The following SRCAP variants were observed in gnomAD, a reference collection of about 807,000 sequenced individuals.
SRCAP encodes the protein Snf2 related CREBBP activator protein, also known as chromatin remodeling protein SRCAP.
Under a neutral mutation model 263.1 loss-of-function variants are expected in SRCAP, and 46 were observed. That is an observed-to-expected ratio of 0.17 (90% CI 0.14 to 0.22). The LOEUF is 0.22. Among genes scored for constraint, SRCAP ranks in the 10% least tolerant of loss-of-function variants. The pLI, the probability that SRCAP is intolerant of heterozygous loss-of-function variation, is 1.00. For synonymous variants in SRCAP, 1,813 were observed against 1,662.1 expected, an observed-to-expected ratio of 1.09 and a Z score of -2.21; for missense variants, 3,695 against 4,181.9, an observed-to-expected ratio of 0.88 and a Z score of 3.21.
intron 18 of SRCAP, 122 bp from the exon 19 acceptor site, chr16:30,720,040 G>C (rs2052994678): frequency 9.5e-7 from 1 of 1,057,944 alleles, no homozygotes; most frequent in East Asian, 2.4e-5. Flanking sequence ...GTGAGTACAT[G>C]TGGTATTTGG....
Position 30,723,753 on chromosome 16 carries a change from C to G in SRCAP, c.4329C>G (p.Val1443=), listed in dbSNP as rs776807869. 6.2e-7 allele frequency: 1 copy of G among 1,614,068 alleles called. No individual in the cohort carries two copies. Among genetic ancestry groups the G allele is most frequent in the African/African-American group, 1.3e-5 (1 of 75,006 alleles). Residue 1443 remains valine (V), a synonymous_variant, in exon 25 of 34, where the codon GTC becomes GTG. Coordinates refer to ENST00000262518, the MANE Select transcript of SRCAP (RefSeq NM_006662.3). ...VPLSSSLPIS[V]PTTLPAPASA... The stretch of plus-strand genomic sequence containing the variant: ...TGTCATCTTCACTCCCCATCTCTGT[C>G]CCCACCACACTTCCTGCCCCAGCCT...
intron 6 of SRCAP, among the ~76,000 whole-genome samples, chr16:30,708,182 T>C (rs955542679): frequency 6.6e-6 from 1 of 152,192 alleles, no homozygotes; most frequent in Non-Finnish European, 1.5e-5. Context: ...AATGCTTTTT[T>C]CCTCATGTGT....
chr16:30,707,439 A>G, intron 5 of SRCAP, 71 bp downstream of exon 5: 1 of 1,601,064 alleles, frequency 6.2e-7, no homozygotes, highest in East Asian at 2.2e-5. Context: ...TTGGAAGGGG[A>G]CCAGACAGAA....
chr16:30,722,862 A>G (rs1596655081), intron 23 of SRCAP, 101 bp from the exon 24 acceptor site: 13 of 1,547,846 alleles, frequency 8.4e-6, no homozygotes, highest in East Asian at 4.5e-5. Context: ...GCGAATATCT[A>G]TGATACCTGT....
In SRCAP at chr16:30,720,958, A is replaced by G. The variant is rs1345649421; in HGVS notation, c.3233A>G (p.Asn1078Ser). The G allele has an allele frequency of 5.0e-6, 8 of 1,609,270 alleles. No individual in the cohort carries two copies. The highest frequency in any genetic ancestry group is 6.8e-6 in the Non-Finnish European group (8 of 1,177,562). Residue 1078 changes from asparagine (N) to serine (S), a missense_variant, in exon 20 of 34, where the codon AAC (asparagine) becomes AGC (serine). Physicochemically the swap from Asn to Ser is conservative, Grantham distance 46. Coordinates refer to ENST00000262518, the MANE Select transcript of SRCAP (RefSeq NM_006662.3). ...GTCCTCTTGCCTCCACTGCAGCCCA[A>G]CAGTGGTTCTCTCCCCCAGGGTGAG... is the stretch of plus-strand genomic sequence containing the variant. The part of the protein sequence containing the change: ...GPVLLPPLQP[N>S]SGSLPQVLPS...
intron 25 of SRCAP, chr16:30,726,307 C>A (rs1250691109): frequency 6.6e-6 from 1 of 152,130 alleles, no homozygotes; most frequent in Admixed American, 6.5e-5. Flanking sequence ...TTGTTATGAA[C>A]AATGCTGCTG....
intron 4 of SRCAP, among the ~76,000 whole-genome samples, chr16:30,705,984 G>A (rs2052823456): frequency 6.6e-6 from 1 of 152,188 alleles, no homozygotes; most frequent in African/African-American, 2.4e-5. Flanking sequence ...GATTACAGGT[G>A]TGAGCACAAC....
Position 30,724,525 on chromosome 16 carries a change from T to C in SRCAP, c.5101T>C (p.Ser1701Pro). The C allele has an allele frequency of 6.2e-7, 1 of 1,614,072 alleles. No homozygotes were observed. The highest frequency in any genetic ancestry group is 8.5e-7 in the Non-Finnish European group (1 of 1,180,016). ...LGGSSPSQTL[S>P]LGTGNPQGPF... is the part of the protein sequence containing the mutation. ...AGGCTCATCTCCATCTCAGACACTC[T>C]CTTTGGGAACGGGGAACCCCCAGGG... Residue 1701 changes from serine (S) to proline (P), a missense_variant, in exon 25 of 34, where the codon TCT (serine) becomes CCT (proline). Ser to Pro is a moderately conservative substitution (Grantham distance 74). This residue lies in a region of SRCAP where 1,347 missense variants were observed against 1,304.4 expected (regional missense o/e 1.03). Transcript: ENST00000262518.
Position 30,739,030 on chromosome 16 carries a change from C to A in SRCAP, c.8990C>A (p.Thr2997Asn), listed in dbSNP as rs886051908. 2.5e-6 allele frequency: 4 copies of A among 1,614,106 alleles called. No individual in the cohort carries two copies. Among genetic ancestry groups the A allele is most frequent in the Non-Finnish European group, 3.4e-6 (4 of 1,180,034 alleles). ...ATVANTVTTVTISTSPPKRKR... is the reference protein window; with the variant it reads ...ATVANTVTTVNISTSPPKRKR... ...GTTGCCAACACTGTCACCACTGTCA[C>A]CATTTCAACGTCCCCACCCAAACGG... Residue 2997 changes from threonine (T) to asparagine (N), a missense_variant, in exon 34 of 34, where the codon ACC becomes AAC. Thr to Asn is a moderately conservative substitution (Grantham distance 65). Coordinates refer to ENST00000262518, the MANE Select transcript of SRCAP (RefSeq NM_006662.3).
Position 30,737,988 on chromosome 16 carries a change from A to C in SRCAP, c.7948A>C (p.Asn2650His). The change falls in exon 34 of 34, where the codon AAT (asparagine) becomes CAT (histidine). Residue 2650 changes from asparagine (N) to histidine (H), a missense_variant. Physicochemically the swap from Asn to His is moderately conservative, Grantham distance 68 (BLOSUM62 1). This residue lies in a region of SRCAP where 1,207 missense variants were observed against 1,142.9 expected (regional missense o/e 1.06). Transcript: ENST00000262518. ...GTTGCCCCTGTGTGTGAGTGAGAGC[A>C]ATGGCCTGGAGCTCCCACCCTCAGC... is the stretch of plus-strand genomic sequence containing the variant. The part of the protein sequence containing the change: ...EELPLCVSES[N>H]GLELPPSAAS... 6.2e-7 allele frequency: 1 copy of C among 1,614,060 alleles called. No individual in the cohort carries two copies. The highest frequency in any genetic ancestry group is 1.1e-5 in the South Asian group (1 of 91,082).
intron 27 of SRCAP, among the ~76,000 whole-genome samples, chr16:30,730,630 C>T (rs2053104831): frequency 6.6e-6 from 1 of 151,964 alleles, no homozygotes; most frequent in African/African-American, 2.4e-5. Context: ...CGGGGTTTCA[C>T]CATGTTGGTC....
intron 4 of SRCAP, 95 bp from the exon 5 acceptor site, chr16:30,707,086 AAC>A: frequency 8.0e-7 from 1 of 1,255,614 alleles, no homozygotes; most frequent in Non-Finnish European, 1.1e-6. Flanking sequence ...ACATAAGCAT[AAC>A]ACACTCAGCC....
At chr16:30,707,044 A>C in intron 4 of SRCAP, 139 bp from the exon 5 acceptor site, 1 of 754,842 alleles carries the variant, frequency 1.3e-6, no homozygotes, top group Non-Finnish European at 2.1e-6. Context: ...AGAGAGTATG[A>C]TACCTGCCTG....
Position 30,739,103 on chromosome 16 carries a change from G to C in SRCAP, c.9063G>C (p.Gln3021His). 6.2e-7 allele frequency: 1 copy of C among 1,614,210 alleles called. No homozygotes were observed. The highest frequency in any genetic ancestry group is 8.5e-7 in the Non-Finnish European group (1 of 1,180,042). The change falls in exon 34 of 34, where the codon CAG becomes CAC. Residue 3021 changes from glutamine to histidine, a missense_variant. Gln to His is a conservative substitution (Grantham distance 24). Around this residue, in one of 12 missense-constraint regions of SRCAP, gnomAD observed 1,207 missense variants for 1,142.9 expected, o/e 1.06. Coordinates refer to ENST00000262518, the MANE Select transcript of SRCAP (RefSeq NM_006662.3). ...PKNPPSPRPSQLPVLDRDSTS... is the reference protein window; with the variant it reads ...PKNPPSPRPSHLPVLDRDSTS... ...ATCCTCCATCACCTCGGCCCAGCCA[G>C]CTCCCCGTCTTGGACCGTGACAGCA...
In SRCAP at chr16:30,724,759, C is replaced by T. The variant is rs924770468; in HGVS notation, c.5335C>T (p.Leu1779Phe). 6.8e-6 allele frequency: 11 copies of T among 1,613,770 alleles called. No homozygotes were observed. The highest frequency in any genetic ancestry group is 9.3e-6 in the Non-Finnish European group (11 of 1,179,912). Residue 1779 changes from leucine to phenylalanine, a missense_variant, in exon 25 of 34, where the codon CTC (leucine) becomes TTC (phenylalanine). Transcript: ENST00000262518. ...GGCTCCAGCATCGTCATCTGCTTCA[C>T]TCCTGGCCCCAGCTTCAGTGCAGAC... ...TLAPASSSAS[L>F]LAPASVQTLT...
rs774859404 is a variant in SRCAP, at chr16:30,716,473, C to T, written c.2811C>T (p.Pro937=). 1.2e-5 allele frequency: 19 copies of T among 1,611,108 alleles called. No individual in the cohort carries two copies. The Admixed American group carries it at 2.5e-4, about 21-fold the overall frequency. Residue 937 remains proline (P), a synonymous_variant, in exon 18 of 34, where the codon CCC becomes CCT. Coordinates refer to ENST00000262518, the MANE Select transcript of SRCAP (RefSeq NM_006662.3). ...SLVLRATDVH[P]LQRIDMGRFD... ...TGCTAAGGGCCACGGATGTCCATCC[C>T]CTCCAGGTAAGTATGATTCCATTAA...
chr16:30,715,932 C>A, intron 16 of SRCAP, 134 bp from the exon 17 acceptor site: 1 of 1,122,832 alleles, frequency 8.9e-7, no homozygotes, highest in Non-Finnish European at 1.3e-6. Flanking sequence ...TGAGGGCTTG[C>A]AGTTGACTCA....
At position 30,713,219 on chromosome 16, in the gene SRCAP, G is replaced by A; in HGVS notation, c.2142G>A (p.Lys714=). 6.2e-7 allele frequency: 1 copy of A among 1,614,046 alleles called. No homozygotes were observed. Among genetic ancestry groups the A allele is most frequent in the Non-Finnish European group, 8.5e-7 (1 of 1,180,044 alleles). Residue 714 remains lysine (K), a synonymous_variant, in exon 15 of 34, where the codon AAG becomes AAA. Coordinates refer to ENST00000262518, the MANE Select transcript of SRCAP (RefSeq NM_006662.3). ...CTTTGATCCCTCAGGGCTGGACCAAGCCCAATGCCTTTCATGTGTGTATCA... is the reference window on the plus strand; with the variant it reads ...CTTTGATCCCTCAGGGCTGGACCAAACCCAATGCCTTTCATGTGTGTATCA... ...ERKLKRQGWT[K]PNAFHVCITS...
intron 16 of SRCAP, 99 bp from the exon 17 acceptor site, chr16:30,715,967 T>C (rs1000799543): frequency 1.3e-5 from 19 of 1,484,620 alleles, no homozygotes; most frequent in South Asian, 1.1e-4. Flanking sequence ...GTGTCTGATA[T>C]GGTGTGCCGT....
Sources: gnomAD v4.1 joint callset for allele counts (sites outside exome capture counted in the v4.1 genomes callset) on GRCh38, gnomAD v4.1.1 for gene constraint, gnomAD v4.1.1 regional missense constraint, MANE v1.5 for transcripts, NCBI Gene and HGNC (gene_info 2026-07-23, HGNC 2026-07-21) for gene names.